Variants in CDK14 observed in about 807,000 individuals in gnomAD.
CDK14 encodes the protein cyclin-dependent kinase 14.
CDK14 carries 34 observed loss-of-function variants against 60.7 expected under a neutral mutation model. The observed-to-expected ratio is 0.56, with a 90% CI of 0.43 to 0.75. The LOEUF (loss-of-function observed/expected upper bound fraction) is 0.75. CDK14 is among the 30% of genes least tolerant of loss of function. The probability of loss-of-function intolerance (pLI) is 0.00; values close to 1 mark genes in which losing one functional copy is unlikely to be tolerated. For synonymous variants in CDK14, 197 were observed against 203.7 expected, an observed-to-expected ratio of 0.97 and a Z score of 0.28; for missense variants, 482 against 564.1, an observed-to-expected ratio of 0.85 and a Z score of 1.47.
At chr7:90,943,639 G>T (rs1423776209) in intron 8 of CDK14, among the ~76,000 whole-genome samples, 2 of 152,034 alleles carry the variant, frequency 1.3e-5, no homozygotes, top group Admixed American at 6.6e-5. Flanking sequence ...TACAATATTC[G>T]TGTGCATCAT....
chr7:90,723,561 T>A (rs1451612312), intron 2 of CDK14, among the ~76,000 whole-genome samples: 1 of 152,208 alleles, frequency 6.6e-6, no homozygotes, highest in African/African-American at 2.4e-5. Flanking sequence ...GTTCTTACAA[T>A]GTTTTCTCAG....
intron 7 of CDK14, among the ~76,000 whole-genome samples, chr7:90,906,367 G>A (rs1792702369): frequency 6.6e-6 from 1 of 152,016 alleles, no homozygotes; most frequent in Non-Finnish European, 1.5e-5. Context: ...ATAAGCTATT[G>A]TCTTTAAAAA....
intron 2 of CDK14, chr7:90,666,450 G>A (rs1433213556): frequency 4.6e-5 from 7 of 152,178 alleles, no homozygotes; most frequent in African/African-American, 1.2e-4. Flanking sequence ...CCAGTTTCCC[G>A]AATGAGACAT....
chr7:91,008,127 C>CAAAAAAAAAAAAAA lies in CDK14; in HGVS notation c.1041+23891_1041+23904dup, dbSNP rs56082719. 1.6e-4 allele frequency among the ~76,000 whole-genome samples: 10 copies of CAAAAAAAAAAAAAA among 62,576 alleles called. 1 individual carries two copies. The highest frequency in any genetic ancestry group is 6.4e-4 in the South Asian group (1 of 1,574). The allele number at this position is 62,576 out of a possible 152,430, so 41.1% of individuals were successfully genotyped here. ...ATGGGAGCCAGTGCCGGGAGAAGGC[C>CAAAAAAAAAAAAAA]AAAAAAAAAAAAAAAAAACAAACAA... is the stretch of plus-strand genomic sequence containing the variant. On this transcript the variant is annotated intron_variant, in intron 10 of 14. Transcript: ENST00000380050.
intron 5 of CDK14, among the ~76,000 whole-genome samples, chr7:90,838,347 T>G (rs1331842484): frequency 1.3e-5 from 2 of 152,148 alleles, no homozygotes; most frequent in African/African-American, 4.8e-5. Context: ...CTGCGATGAT[T>G]GCGTTAACTG....
chr7:90,976,139 C>G (rs1444371444), intron 9 of CDK14, among the ~76,000 whole-genome samples: 1 of 152,112 alleles, frequency 6.6e-6, no homozygotes, highest in East Asian at 1.9e-4. Flanking sequence ...AACATTCCCA[C>G]TAACAGTATA....
chr7:90,632,323 T>C, intron 2 of CDK14: 1 of 322,666 alleles, frequency 3.1e-6, no homozygotes, highest in South Asian at 2.9e-5. Context: ...AGAGGCTGAA[T>C]CAAGGATCTT....
At chr7:91,096,974 A>G (rs1799009709) in intron 12 of CDK14, among the ~76,000 whole-genome samples, 1 of 152,244 alleles carries the variant, frequency 6.6e-6, no homozygotes, top group South Asian at 2.1e-4. Context: ...AGGATACAGC[A>G]TTTATGGATG....
At chr7:90,847,489 CCATA>C (rs1790506412) in intron 5 of CDK14, among the ~76,000 whole-genome samples, 1 of 151,946 alleles carries the variant, frequency 6.6e-6, no homozygotes, top group Non-Finnish European at 1.5e-5. Context: ...ACCAATCTAC[CCATA>C]CTTTATCCCC....
chr7:90,669,920 G>A (rs1018942194), intron 2 of CDK14, among the ~76,000 whole-genome samples: 6 of 152,170 alleles, frequency 3.9e-5, no homozygotes, highest in African/African-American at 1.4e-4. Context: ...CTATTGAGGA[G>A]GGTTTAAGGA....
At chr7:90,792,697 C>T (rs1805881801) in intron 5 of CDK14, among the ~76,000 whole-genome samples, 1 of 147,336 alleles carries the variant, frequency 6.8e-6, no homozygotes, top group African/African-American at 2.5e-5. Flanking sequence ...CCATGGACTT[C>T]TGTAATAGCT....
chr7:90,673,504 C>T (rs1801139362), intron 2 of CDK14, among the ~76,000 whole-genome samples: 1 of 152,036 alleles, frequency 6.6e-6, no homozygotes, highest in Admixed American at 6.6e-5. Flanking sequence ...TCACTGCAGC[C>T]TCAACCCCTT....
chr7:90,681,138 G>A (rs957526339), intron 2 of CDK14, among the ~76,000 whole-genome samples: 2 of 152,072 alleles, frequency 1.3e-5, no homozygotes, highest in Admixed American at 6.5e-5. Flanking sequence ...TGTTTTTTAT[G>A]AAATACTTTA....
chr7:90,970,031 A>G (rs1269514930), intron 9 of CDK14, among the ~76,000 whole-genome samples: 1 of 150,626 alleles, frequency 6.6e-6, no homozygotes, highest in Non-Finnish European at 1.5e-5. Flanking sequence ...CAGTGGCACA[A>G]TCTCGGCTCA....
chr7:90,885,850 G>A (rs1453957231), intron 6 of CDK14, among the ~76,000 whole-genome samples: 1 of 152,182 alleles, frequency 6.6e-6, no homozygotes, highest in Non-Finnish European at 1.5e-5. Flanking sequence ...TTATAAGTGG[G>A]AGTTGAACAT....
chr7:90,920,937 T>C (rs1315559624), intron 8 of CDK14, among the ~76,000 whole-genome samples: 1 of 145,610 alleles, frequency 6.9e-6, no homozygotes, highest in African/African-American at 2.5e-5. Context: ...ATGCTGTAAC[T>C]ATTTTTTTTT....
intron 10 of CDK14, among the ~76,000 whole-genome samples, chr7:91,027,758 GC>G (rs1562873911): frequency 1.1e-5 from 1 of 87,744 alleles, no homozygotes; most frequent in African/African-American, 4.3e-5. Flanking sequence ...TGAAATCTGG[GC>G]CTCTCCTCTC....
chr7:91,181,489 C>T (rs1366258458), intron 14 of CDK14, among the ~76,000 whole-genome samples: 1 of 152,136 alleles, frequency 6.6e-6, no homozygotes, highest in East Asian at 1.9e-4. Flanking sequence ...CCTAGATCCA[C>T]TAATCCACTG....
intron 12 of CDK14, among the ~76,000 whole-genome samples, chr7:91,090,623 C>T (rs1798774644): frequency 1.3e-5 from 2 of 152,258 alleles, no homozygotes; most frequent in South Asian, 2.1e-4. Flanking sequence ...CAGCTAAAAA[C>T]CTCCTGCCCA....
Sources: allele counts gnomAD v4.1 joint callset (sites outside exome capture counted in the v4.1 genomes callset), GRCh38; gene constraint gnomAD v4.1.1; transcripts MANE v1.5; gene names NCBI Gene and HGNC (gene_info 2026-07-23, HGNC 2026-07-21).